NCKAP1: variants seen among roughly 807,000 people sequenced by gnomAD.
The protein encoded by NCKAP1 is NCK associated protein 1, also known as nck-associated protein 1.
A neutral mutation model predicts 151.2 loss-of-function variants in NCKAP1; 21 were observed. The observed-to-expected ratio is 0.14, with a 90% CI of 0.10 to 0.20. The LOEUF (loss-of-function observed/expected upper bound fraction) is 0.20. Among genes scored for constraint, NCKAP1 ranks in the 10% least tolerant of loss-of-function variants. NCKAP1 has a pLI of 1.00. For synonymous variants in NCKAP1, 484 were observed against 451.8 expected, an observed-to-expected ratio of 1.07 and a Z score of -0.90; for missense variants, 933 against 1,352.1, an observed-to-expected ratio of 0.69 and a Z score of 4.86.
chr2:183,020,011 C>T (rs2105891307), intron 2 of NCKAP1, among the ~76,000 whole-genome samples: 1 of 151,680 alleles, frequency 6.6e-6, no homozygotes, highest in Middle Eastern at 3.4e-3. Context: ...ACTATGTGCT[C>T]AAGGATTCTA....
chr2:183,032,012 T>C (rs2105900636), intron 1 of NCKAP1, among the ~76,000 whole-genome samples: 1 of 152,346 alleles, frequency 6.6e-6, no homozygotes, highest in African/African-American at 2.4e-5. Context: ...TTTAAGAATT[T>C]ACATTTCAGT....
At position 182,921,277 on chromosome 2, in the gene NCKAP1, T is replaced by C. The variant is rs984782289; in HGVS notation, c.*4425A>G. On this transcript the variant is annotated 3_prime_UTR_variant, in exon 31 of 31. Transcript: ENST00000361354. ...ATAAAATTACAGTAAATTTTAAATA[T>C]GATTTCCTACTTATTCATGGATTCT... is the stretch of plus-strand genomic sequence containing the variant. 3 of 152,212 alleles carry C rather than the reference T, an allele frequency of 2.0e-5. No individual in the cohort carries two copies. Among genetic ancestry groups the C allele is most frequent in the Non-Finnish European group, 4.4e-5 (3 of 68,026 alleles). The allele number at this position is 152,212 out of a possible 1,614,324, so 9.4% of individuals were successfully genotyped here. A position where few individuals can be genotyped will look rare whatever the true frequency, so the allele number is the denominator to read the frequency against.
Position 183,027,540 on chromosome 2 carries a change from A to G in NCKAP1, c.109-3624T>C, listed in dbSNP as rs761624741. 8.5e-4 allele frequency among the ~76,000 whole-genome samples: 129 copies of G among 152,330 alleles called. No individual in the cohort carries two copies. The Middle Eastern group carries it at 0.014, about 16-fold the overall frequency. ...AGCTAGGTAAAATATATCCTGGCAA[A>G]GAACCATAACAAATAATTCAGGTAA... On this transcript the variant is annotated intron_variant, in intron 1 of 30. Coordinates refer to ENST00000361354, the MANE Select transcript of NCKAP1 (RefSeq NM_013436.5).
chr2:182,952,730 C>A, intron 22 of NCKAP1, 63 bp downstream of exon 22: 1 of 1,453,114 alleles, frequency 6.9e-7, no homozygotes, highest in Non-Finnish European at 9.2e-7. Flanking sequence ...TCTAAAGAAT[C>A]AAGACACTAG....
intron 15 of NCKAP1, among the ~76,000 whole-genome samples, chr2:182,971,342 C>T (rs1449809075): frequency 8.6e-5 from 12 of 140,198 alleles, no homozygotes; most frequent in African/African-American, 2.9e-4. Context: ...TGCAGTGAGC[C>T]GAGATCCCAC....
intron 28 of NCKAP1, 68 bp from the exon 29 acceptor site, chr2:182,928,294 AATGACTTCACAATCTGC>A: frequency 9.1e-7 from 1 of 1,097,408 alleles, no homozygotes. Context: ...GCAAATCTTT[AATGACTTCACAATCTGC>A]ATAAATAGGG....
At position 182,911,463 on chromosome 2, in the gene NCKAP1, T is replaced by A; in HGVS notation, c.*14239A>T. 1 of 152,312 alleles carries A rather than the reference T, an allele frequency of 6.6e-6. No homozygotes were observed. 9.4% of individuals were successfully genotyped at this position (152,312 alleles called of 1,614,324 possible). ...GCCATCAGTTCATGACTTTATTAAC[T>A]TATATAGTTAATACATGTTTTATAT... On this transcript the variant is annotated 3_prime_UTR_variant, in exon 31 of 31. Transcript: ENST00000361354.
chr2:182,942,920 C>G (rs1697027011), intron 23 of NCKAP1, among the ~76,000 whole-genome samples: 1 of 152,114 alleles, frequency 6.6e-6, no homozygotes, highest in Non-Finnish European at 1.5e-5. Flanking sequence ...TCTAAAACAA[C>G]AAAGAGAGAA....
At chr2:182,928,085 T>C (rs771906665) in intron 29 of NCKAP1, 32 bp downstream of exon 29, 1 of 1,436,558 alleles carries the variant, frequency 7.0e-7, no homozygotes, top group South Asian at 1.2e-5. Flanking sequence ...CTTTATAAAA[T>C]GTGATGAGTT....
intron 14 of NCKAP1, among the ~76,000 whole-genome samples, chr2:182,978,559 G>A (rs907565972): frequency 5.3e-5 from 8 of 152,050 alleles, no homozygotes; most frequent in Non-Finnish European, 2.9e-5. Flanking sequence ...GGTATGCTTG[G>A]ACCAAATATA....
In NCKAP1 at chr2:182,924,015, A is replaced by G. The variant is rs1427972584; in HGVS notation, c.*1687T>C. On this transcript the variant is annotated 3_prime_UTR_variant, in exon 31 of 31. Coordinates refer to ENST00000361354, the MANE Select transcript of NCKAP1 (RefSeq NM_013436.5). ...TCCAGAGATCACTGCCAACAAAGTT[A>G]TTACCTCTCTAAGATCCTAATATTT... 3.3e-5 allele frequency: 5 copies of G among 152,214 alleles called. No homozygotes were observed. The highest frequency in any genetic ancestry group is 7.3e-5 in the Non-Finnish European group (5 of 68,044). The allele number at this position is 152,214 out of a possible 1,614,324, so 9.4% of individuals were successfully genotyped here. A position where few individuals can be genotyped will look rare whatever the true frequency, so the allele number is the denominator to read the frequency against.
At chr2:182,940,298 C>G (rs984683699) in intron 24 of NCKAP1, among the ~76,000 whole-genome samples, 1 of 152,034 alleles carries the variant, frequency 6.6e-6, no homozygotes, top group African/African-American at 2.4e-5. Flanking sequence ...TGTACAATAA[C>G]AAAAGAAAGA....
intron 1 of NCKAP1, among the ~76,000 whole-genome samples, chr2:183,027,907 A>G (rs925618491): frequency 6.6e-6 from 1 of 152,198 alleles, no homozygotes; most frequent in African/African-American, 2.4e-5. Flanking sequence ...TATTACATCT[A>G]CAATATTACA....
chr2:182,942,072 G>A lies in NCKAP1; in HGVS notation c.2693C>T (p.Ser898Leu). The A allele has an allele frequency of 6.2e-7, 1 of 1,607,582 alleles. No homozygotes were observed. Among genetic ancestry groups the A allele is most frequent in the South Asian group, 1.1e-5 (1 of 89,844 alleles). ...DQMAALFKRL[S>L]SVDSVLKRMT... ...AAAAAGTATCATGAGTTACCCACAT[G>A]ATAATCTTTTAAACAGTGCAGCCAT... is the stretch of plus-strand genomic sequence containing the variant. Residue 898 changes from serine (S) to leucine (L), a missense_variant and splice_region_variant, in exon 24 of 31, where the codon TCA (serine) becomes TTA (leucine). By Grantham distance (145) the Ser-to-Leu change is moderately radical. Transcript: ENST00000361354.
intron 18 of NCKAP1, among the ~76,000 whole-genome samples, chr2:182,960,313 G>T (rs190226863): frequency 0.049 from 7,496 of 152,188 alleles, 243 homozygotes; most frequent in African/African-American, 0.094. Flanking sequence ...GAGGCATCAC[G>T]CTACCTGACT....
Position 182,995,664 on chromosome 2 carries a change from C to T in NCKAP1, c.741+37G>A, listed in dbSNP as rs118141494. Reference sequence around the variant, plus strand: ...TGAACTATTATTTTTTTAAAAGTCACTTTATTTTCATTCAAAAGAGAAAAA... The same window carrying T: ...TGAACTATTATTTTTTTAAAAGTCATTTTATTTTCATTCAAAAGAGAAAAA... On this transcript the variant is annotated intron_variant, in intron 7 of 30. Coordinates refer to ENST00000361354, the MANE Select transcript of NCKAP1 (RefSeq NM_013436.5). 2.1e-4 allele frequency: 340 copies of T among 1,583,874 alleles called. 1 individual carries two copies. The East Asian group carries it at 7.1e-3, about 33-fold the overall frequency.
At chr2:183,001,412 T>A (rs1397849803) in intron 6 of NCKAP1, among the ~76,000 whole-genome samples, 1 of 152,218 alleles carries the variant, frequency 6.6e-6, no homozygotes, top group Non-Finnish European at 1.5e-5. Flanking sequence ...ATTTTTAATA[T>A]CTCTTAAAAG....
At chr2:182,942,627 A>T (rs1697020112) in intron 23 of NCKAP1, among the ~76,000 whole-genome samples, 1 of 152,078 alleles carries the variant, frequency 6.6e-6, no homozygotes, top group Admixed American at 6.6e-5. Flanking sequence ...GTATGGTACC[A>T]CTTGATGGGG....
rs568550798 is a variant in NCKAP1 at position 182,951,490 on chromosome 2, G to A, written c.2601+915C>T. On this transcript the variant is annotated intron_variant, in intron 23 of 30. Coordinates refer to ENST00000361354, the MANE Select transcript of NCKAP1 (RefSeq NM_013436.5). ...TCGAGACCAGCCTGGCCAACACGGT[G>A]AAACACCGTCTCTACTAAAAATACA... Among the ~76,000 whole-genome samples, 395 of 151,810 alleles carry A rather than the reference G, an allele frequency of 2.6e-3. 5 individuals carry two copies. Among genetic ancestry groups the A allele is most frequent in the Non-Finnish European group, 8.7e-4 (59 of 67,928 alleles).
Sources: allele counts gnomAD v4.1 joint callset (sites outside exome capture counted in the v4.1 genomes callset), GRCh38; gene constraint gnomAD v4.1.1; transcripts MANE v1.5; gene names NCBI Gene and HGNC (gene_info 2026-07-23, HGNC 2026-07-21).